SLC25A39: variants seen among roughly 807,000 people sequenced by gnomAD.
SLC25A39 encodes the protein mitochondrial glutathione transporter SLC25A39.
SLC25A39 carries 44 observed loss-of-function variants against 46.6 expected under a neutral mutation model. The observed-to-expected ratio is 0.94, with a 90% CI of 0.74 to 1.21. The LOEUF (loss-of-function observed/expected upper bound fraction) is 1.21, where lower values mean the gene tolerates loss of function less well. SLC25A39 is among the 50% of genes most tolerant of loss of function. SLC25A39 has a pLI of 0.00. For missense variants in SLC25A39, 487 were observed against 473.0 expected, an observed-to-expected ratio of 1.03 and a Z score of -0.28; for synonymous variants, 218 against 190.6, an observed-to-expected ratio of 1.14 and a Z score of -1.19.
intron 3 of SLC25A39, 71 bp from the exon 4 acceptor site, chr17:44,322,923 CTTT>C: frequency 6.6e-7 from 1 of 1,517,538 alleles, no homozygotes; most frequent in Non-Finnish European, 9.1e-7. Flanking sequence ...TCTGGGAGAT[CTTT>C]TTATTTTATT....
chr17:44,320,895 C>A (rs542367764), intron 8 of SLC25A39, 163 bp downstream of exon 8: 1 of 1,012,746 alleles, frequency 9.9e-7, no homozygotes, highest in South Asian at 1.7e-5. Flanking sequence ...ACCGCCTGGG[C>A]AAATACTCTA....
intron 5 of SLC25A39, 141 bp from the exon 6 acceptor site, chr17:44,321,908 T>G: frequency 1.2e-6 from 1 of 802,762 alleles, no homozygotes; most frequent in South Asian, 1.8e-5. Flanking sequence ...ACACATGCAG[T>G]ACCCCAGCAG....
At chr17:44,322,223 TG>T (rs1184008042) in intron 5 of SLC25A39, among the ~76,000 whole-genome samples, 195 bp downstream of exon 5, 1 of 152,150 alleles carries the variant, frequency 6.6e-6, no homozygotes, top group Admixed American at 6.5e-5. Context: ...CACTCCAGCC[TG>T]GGTGACAGAG....
rs1059555 is a variant in SLC25A39 at position 44,324,751 on chromosome 17, T to G, written c.-56A>C. On this transcript the variant is annotated 5_prime_UTR_variant, in exon 1 of 12. Transcript: ENST00000377095. ...TGCTCGTGCGGCGCGGCGCCCAGGG[T>G]CAGGCGGGCCCATACCGGCTCCGCC... 6.6e-6 allele frequency: 1 copy of G among 151,958 alleles called. No homozygotes were observed. The highest frequency in any genetic ancestry group is 1.5e-5 in the Non-Finnish European group (1 of 67,966). 9.4% of individuals were successfully genotyped at this position (151,958 alleles called of 1,614,324 possible).
Position 44,321,515 on chromosome 17 carries a change from C to T in SLC25A39, c.436G>A (p.Asp146Asn), listed in dbSNP as rs1401700095. The T allele has an allele frequency of 1.9e-6, 3 of 1,613,944 alleles. No homozygotes were observed. In the African/African-American group the frequency reaches 4.0e-5, roughly 22 times the overall value. ...CCACACAGGAAGGCCTTCAGTTGGT[C>T]ATAGGCAGTGAAGTAGATGGCGGTA... ...PATAIYFTAYDQLKAFLCGRA... is the reference protein window; with the variant it reads ...PATAIYFTAYNQLKAFLCGRA... Residue 146 changes from aspartate (D) to asparagine (N), a missense_variant, in exon 7 of 12, where the codon GAC (aspartate) becomes AAC (asparagine). Physicochemically the swap from Asp to Asn is conservative, Grantham distance 23. Coordinates refer to ENST00000377095, the MANE Select transcript of SLC25A39 (RefSeq NM_001143780.3).
At chr17:44,320,811 C>T in intron 8 of SLC25A39, 80 bp from the exon 9 acceptor site, 1 of 1,159,110 alleles carries the variant, frequency 8.6e-7, no homozygotes, top group Non-Finnish European at 1.3e-6. Flanking sequence ...ACTGCCACCA[C>T]TCCCTCCCAG....
chr17:44,323,530 G>C lies in SLC25A39; in HGVS notation c.33C>G (p.Pro11=). MADQDPAGIS[P]LQQMVASGTG... Reference sequence around the variant, plus strand: ...TGCCTGAGGCCACCATTTGCTGGAGGGGGCTGATGCCCGCAGGGTCCTGGT... The same window carrying C: ...TGCCTGAGGCCACCATTTGCTGGAGCGGGCTGATGCCCGCAGGGTCCTGGT... Residue 11 remains proline (P), a synonymous_variant, in exon 2 of 12, where the codon CCC becomes CCG. Transcript: ENST00000377095. 6.3e-7 allele frequency: 1 copy of C among 1,582,570 alleles called. No individual in the cohort carries two copies. Among genetic ancestry groups the C allele is most frequent in the South Asian group, 1.2e-5 (1 of 86,398 alleles).
At position 44,321,135 on chromosome 17, in the gene SLC25A39, G is replaced by A; in HGVS notation, c.614C>T (p.Thr205Ile). Residue 205 changes from threonine to isoleucine, a missense_variant, in exon 8 of 12, where the codon ACT (threonine) becomes ATT (isoleucine). By Grantham distance (89) the Thr-to-Ile change is moderately conservative. Transcript: ENST00000377095. Reference sequence around the variant, plus strand: ...GCGCCAGCCACCCTGAGCCACTGCAGTTCGAACACAGGCACCCAGCTCCCG... The same window carrying A: ...GCGCCAGCCACCCTGAGCCACTGCAATTCGAACACAGGCACCCAGCTCCCG... ...SYRELGACVR[T>I]AVAQGGWRSL... The A allele has an allele frequency of 6.2e-7, 1 of 1,613,022 alleles. No individual in the cohort carries two copies.
chr17:44,321,545 G>T lies in SLC25A39; in HGVS notation c.406C>A (p.Pro136Thr), dbSNP rs1049658497. 1.2e-6 allele frequency: 2 copies of T among 1,613,882 alleles called. No individual in the cohort carries two copies. The highest frequency in any genetic ancestry group is 2.7e-5 in the African/African-American group (2 of 74,906). ...GLPATLVMTV[P>T]ATAIYFTAYD... ...GCAGTGAAGTAGATGGCGGTAGCTG[G>T]CACAGTCATCACCCTGGGGATACAG... The change falls in exon 7 of 12, where the codon CCA becomes ACA. Residue 136 changes from proline to threonine, a missense_variant. Pro to Thr is a conservative substitution (Grantham distance 38). Coordinates refer to ENST00000377095, the MANE Select transcript of SLC25A39 (RefSeq NM_001143780.3).
At chr17:44,321,803 G>A (rs376809186) in intron 5 of SLC25A39, 36 bp from the exon 6 acceptor site, 176 of 1,593,660 alleles carry the variant, frequency 1.1e-4, no homozygotes, top group African/African-American at 3.6e-4. Flanking sequence ...GGAAGAGGAG[G>A]GACACAAGTG....
rs146936466 is a variant in SLC25A39, at chr17:44,322,465, C to G, written c.278G>C (p.Arg93Pro). 1 of 1,614,120 alleles carries G rather than the reference C, an allele frequency of 6.2e-7. No homozygotes were observed. Among genetic ancestry groups the G allele is most frequent in the Admixed American group, 1.7e-5 (1 of 60,012 alleles). The change falls in exon 5 of 12, where the codon CGC (arginine) becomes CCC (proline). Residue 93 changes from arginine (R) to proline (P), a missense_variant. By Grantham distance (103) the Arg-to-Pro change is moderately radical. Transcript: ENST00000377095. ...EPLYLCPNGA[R>P]CATWFQDPTR... ...AGGGTCTTGAAACCAGGTGGCACAG[C>G]GGGCACCATTTGGGCACAGGTACAG...
Position 44,321,759 on chromosome 17 carries a change from G to A in SLC25A39, c.333C>T (p.Phe111=), listed in dbSNP as rs1221470852. The A allele has an allele frequency of 5.6e-6, 9 of 1,611,902 alleles. No homozygotes were observed. Among genetic ancestry groups the A allele is most frequent in the South Asian group, 1.1e-5 (1 of 90,910 alleles). Residue 111 remains phenylalanine (F), a synonymous_variant, in exon 6 of 12, where the codon TTC becomes TTT. Transcript: ENST00000377095. ...TGCCCTCGTGCCTCACGATCTTCAC[G>A]AAGGCATCCTGGCCAAGCAGGCACC... is the stretch of plus-strand genomic sequence containing the variant. ...PTRFTGTMDA[F]VKIVRHEGTR...
intron 9 of SLC25A39, 84 bp from the exon 10 acceptor site, chr17:44,320,520 G>T: frequency 6.3e-7 from 1 of 1,585,914 alleles, no homozygotes; most frequent in South Asian, 1.1e-5. Flanking sequence ...CGGCTGGGAG[G>T]GACAAAGGCC....
rs759311020 is a variant in SLC25A39, at chr17:44,323,498, G to A, written c.65C>T (p.Ala22Val). The change falls in exon 2 of 12, where the codon GCT (alanine) becomes GTT (valine). Residue 22 changes from alanine (A) to valine (V), a missense_variant. By Grantham distance (64) the Ala-to-Val change is moderately conservative. Coordinates refer to ENST00000377095, the MANE Select transcript of SLC25A39 (RefSeq NM_001143780.3). ...CTTACTGAAGAGAGAGGTAACCACA[G>A]CCCCGGTGCCTGAGGCCACCATTTG... ...LQQMVASGTG[A>V]VVTSLFMTPL... 1.7e-5 allele frequency: 23 copies of A among 1,365,412 alleles called. No individual in the cohort carries two copies. The Admixed American group carries it at 2.3e-4, about 14-fold the overall frequency. 84.6% of individuals were successfully genotyped at this position (1,365,412 alleles called of 1,614,324 possible). A position where few individuals can be genotyped will look rare whatever the true frequency, so the allele number is the denominator to read the frequency against.
chr17:44,324,013 C>T (rs978131953), intron 1 of SLC25A39: 4 of 193,262 alleles, frequency 2.1e-5, no homozygotes, highest in Non-Finnish European at 4.3e-5. Context: ...CTGGCAATGA[C>T]CTCTAAAGCA....
chr17:44,320,172 C>T, intron 11 of SLC25A39, 24 bp downstream of exon 11: 1 of 1,613,730 alleles, frequency 6.2e-7, no homozygotes. Context: ...GCCATGCCCC[C>T]ACCCCCGACA....
intron 7 of SLC25A39, 96 bp from the exon 8 acceptor site, chr17:44,321,327 A>AC: frequency 1.3e-6 from 2 of 1,584,746 alleles, no homozygotes; most frequent in Non-Finnish European, 1.7e-6. Context: ...GACCTAGAAC[A>AC]CCCCCCTATC....
chr17:44,323,696 G>A (rs964934181), intron 1 of SLC25A39, 119 bp from the exon 2 acceptor site: 2 of 692,428 alleles, frequency 2.9e-6, no homozygotes, highest in African/African-American at 1.8e-5. Context: ...CCAGGCTGGA[G>A]TGCAGTGGCA....
intron 1 of SLC25A39, 74 bp from the exon 2 acceptor site, chr17:44,323,651 T>C: frequency 8.9e-7 from 1 of 1,118,656 alleles, no homozygotes; most frequent in Non-Finnish European, 1.3e-6. Context: ...GTGAGACTTT[T>C]GTTTTGAGAC....
Sources: allele counts gnomAD v4.1 joint callset (sites outside exome capture counted in the v4.1 genomes callset), GRCh38; gene constraint gnomAD v4.1.1; transcripts MANE v1.5; gene names NCBI Gene and HGNC (gene_info 2026-07-23, HGNC 2026-07-21).